Variants in TSC1 observed in about 807,000 individuals in gnomAD.
TSC1 encodes the protein TSC complex subunit 1, also known as hamartin.
Under a neutral mutation model 124.3 loss-of-function variants are expected in TSC1, and 20 were observed. The observed-to-expected ratio is 0.16, with a 90% CI of 0.11 to 0.23. TSC1 has a LOEUF of 0.23. Ranked by LOEUF, TSC1 falls within the 10% of genes least tolerant of loss-of-function variation. The pLI is 1.00. For missense variants in TSC1, 1,124 were observed against 1,448.5 expected, an observed-to-expected ratio of 0.78 and a Z score of 3.64; for synonymous variants, 493 against 539.1, an observed-to-expected ratio of 0.91 and a Z score of 1.19.
chr9:132,901,557 A>AG, intron 19 of TSC1, 32 bp downstream of exon 19: 1 of 1,559,980 alleles, frequency 6.4e-7, no homozygotes, highest in South Asian at 1.1e-5. Flanking sequence ...ATGGTGTTTC[A>AG]GCAGATTCAG....
In TSC1 at chr9:132,902,685, T is replaced by C. The variant is rs1057522203; in HGVS notation, c.2311A>G (p.Met771Val). The C allele has an allele frequency of 2.5e-6, 4 of 1,614,228 alleles. No individual in the cohort carries two copies. Among genetic ancestry groups the C allele is most frequent in the South Asian group, 1.1e-5 (1 of 91,086 alleles). Residue 771 changes from methionine (M) to valine (V), a missense_variant, in exon 18 of 23, where the codon ATG becomes GTG. Met to Val is a conservative substitution (Grantham distance 21). This residue lies in a region of TSC1 where 321 missense variants were observed against 397.4 expected (regional missense o/e 0.81). Transcript: ENST00000298552. This position sits in a 1 kb window ranked among gnomAD's most constrained non-coding sequence, Gnocchi z 5.2. ...YNQLQEQRDTMVTKLHSQIRQ... is the reference protein window; with the variant it reads ...YNQLQEQRDTVVTKLHSQIRQ... ...ATCTGGCTGTGGAGCTTGGTTACCA[T>C]AGTGTCACGCTGCTCCTGGAGCTGA... is the stretch of plus-strand genomic sequence containing the variant.
chr9:132,934,902 C>A (rs2132388403), intron 2 of TSC1, 131 bp downstream of exon 2: 1 of 396,894 alleles, frequency 2.5e-6, no homozygotes, highest in Non-Finnish European at 4.4e-6. Flanking sequence ...GTGACTAATC[C>A]CTTCATGCCA....
At position 132,904,429 on chromosome 9, in the gene TSC1, C is replaced by T. The variant is rs768189353; in HGVS notation, c.2023G>A (p.Asp675Asn). Reference protein sequence around the residue: ...NKLPLPSKSVDWTHFGGSPPS... With the variant: ...NKLPLPSKSVNWTHFGGSPPS... ...ACTTTACCTCCAAAGTGGGTCCAGT[C>T]GACAGACTTGCTGGGTAAAGGCAAC... The change falls in exon 16 of 23, where the codon GAC becomes AAC. Residue 675 changes from aspartate to asparagine, a missense_variant. By Grantham distance (23) the Asp-to-Asn change is conservative. Coordinates refer to ENST00000298552, the MANE Select transcript of TSC1 (RefSeq NM_000368.5). 2 of 1,613,930 alleles carry T rather than the reference C, an allele frequency of 1.2e-6. No individual in the cohort carries two copies. The highest frequency in any genetic ancestry group is 1.7e-5 in the Admixed American group (1 of 60,010).
upstream of TSC1, chr9:132,944,779 G>A (rs1588395918): frequency 1.3e-5 from 5 of 396,022 alleles, no homozygotes; most frequent in East Asian, 1.8e-4. Context: ...TGACGATGTG[G>A]GTTGGACGAG....
Position 132,923,333 on chromosome 9 carries a change from TGAG to T in TSC1, c.508+12_508+14del, listed in dbSNP as rs776808135. On this transcript the variant is annotated intron_variant, in intron 6 of 22. Transcript: ENST00000298552. The surrounding 1 kb of genome is among the most constrained non-coding windows in gnomAD (Gnocchi z 4.2). ...CACCTCACAGGGCCCAACAGGTATA[TGAG>T]GAGATCTGTACCTGGTTTCTTCAGG... The T allele has an allele frequency of 1.2e-6, 2 of 1,613,974 alleles. No individual in the cohort carries two copies. Among genetic ancestry groups the T allele is most frequent in the Admixed American group, 1.7e-5 (1 of 60,002 alleles).
chr9:132,913,940 C>A (rs1029387142), intron 8 of TSC1, among the ~76,000 whole-genome samples: 1 of 141,602 alleles, frequency 7.1e-6, no homozygotes, highest in Non-Finnish European at 1.5e-5. Context: ...ACTCTGTCAC[C>A]CAGGCTGGAG....
At chr9:132,926,180 G>A (rs754330542) in intron 4 of TSC1, 19 of 218,706 alleles carry the variant, frequency 8.7e-5, no homozygotes, top group Non-Finnish European at 1.7e-4. Context: ...AAAACAAGAC[G>A]GGCCAGGCGC....
intron 1 of TSC1, among the ~76,000 whole-genome samples, chr9:132,936,387 T>A (rs1847460423): frequency 6.6e-6 from 1 of 152,192 alleles, no homozygotes; most frequent in Non-Finnish European, 1.5e-5. Context: ...AAGGTGCTAG[T>A]ATTACAGACG....
intron 20 of TSC1, 155 bp downstream of exon 20, chr9:132,900,560 A>G: frequency 8.0e-7 from 1 of 1,248,952 alleles, no homozygotes; most frequent in Non-Finnish European, 1.2e-6. Context: ...GGTGGCTGGA[A>G]AGTGCTTGTA....
intron 6 of TSC1, among the ~76,000 whole-genome samples, chr9:132,922,888 T>C (rs889457237): frequency 4.6e-5 from 7 of 151,590 alleles, no homozygotes; most frequent in Non-Finnish European, 8.8e-5. Flanking sequence ...AAAAAACCAC[T>C]GCATTTGAAG....
Position 132,911,475 on chromosome 9 carries a change from C to T in TSC1, c.1007G>A (p.Arg336Gln), listed in dbSNP as rs397514808. The T allele has an allele frequency of 2.4e-5, 38 of 1,613,168 alleles. No individual in the cohort carries two copies. Among genetic ancestry groups the T allele is most frequent in the Admixed American group, 3.3e-5 (2 of 59,960 alleles). The change falls in exon 10 of 23, where the codon CGG becomes CAG. Residue 336 changes from arginine (R) to glutamine (Q), a missense_variant. By Grantham distance (43) the Arg-to-Gln change is conservative. This residue lies in a region of TSC1 where 463 missense variants were observed against 606.8 expected (regional missense o/e 0.76). Coordinates refer to ENST00000298552, the MANE Select transcript of TSC1 (RefSeq NM_000368.5). ...LPQTLSSPSTRLITEPPQATL... is the reference protein window; with the variant it reads ...LPQTLSSPSTQLITEPPQATL... ...TACTTGTGGTGGTTCAGTTATCAGC[C>T]GTGTCGATGGGGAACTCAGAGTCTG...
chr9:132,913,960 G>A (rs553630859), intron 8 of TSC1, among the ~76,000 whole-genome samples: 11 of 126,610 alleles, frequency 8.7e-5, no homozygotes, highest in African/African-American at 1.2e-4. Flanking sequence ...GTTCAGTGGC[G>A]CAATCTCGAC....
At chr9:132,901,009 A>G (rs1441715189) in intron 19 of TSC1, among the ~76,000 whole-genome samples, 172 bp from the exon 20 acceptor site, 3 of 152,352 alleles carry the variant, frequency 2.0e-5, no homozygotes, top group African/African-American at 7.2e-5. Context: ...GATGGTACCC[A>G]AGGACAACAA....
chr9:132,924,215 C>A (rs1180359210), intron 5 of TSC1, among the ~76,000 whole-genome samples: 2 of 152,182 alleles, frequency 1.3e-5, no homozygotes, highest in Non-Finnish European at 2.9e-5. Flanking sequence ...ATAATTAAAT[C>A]ATGAATGTTT....
chr9:132,935,325 C>T (rs924332983), intron 1 of TSC1, among the ~76,000 whole-genome samples: 5 of 152,308 alleles, frequency 3.3e-5, no homozygotes, highest in East Asian at 1.9e-4. Flanking sequence ...CTTGTAATCT[C>T]TGTCTTTTGT....
intron 6 of TSC1, among the ~76,000 whole-genome samples, chr9:132,922,674 C>T (rs1846632337): frequency 6.6e-6 from 1 of 152,202 alleles, no homozygotes; most frequent in African/African-American, 2.4e-5. Flanking sequence ...AAAGGTCCTA[C>T]TAAACAAGCA....
chr9:132,938,341 C>T (rs188267896), intron 1 of TSC1, among the ~76,000 whole-genome samples: 3 of 152,278 alleles, frequency 2.0e-5, no homozygotes, highest in African/African-American at 7.2e-5. Flanking sequence ...TCCTTATCTT[C>T]GAAAGCCAAA....
intron 1 of TSC1, among the ~76,000 whole-genome samples, chr9:132,936,863 A>G (rs1490517383): frequency 6.6e-6 from 1 of 152,248 alleles, no homozygotes; most frequent in Non-Finnish European, 1.5e-5. Flanking sequence ...TAAACATGGA[A>G]AAAACTTGAA....
rs1428363395 is a variant in TSC1, at chr9:132,892,893, A to G, written c.*3342T>C. On this transcript the variant is annotated 3_prime_UTR_variant, in exon 23 of 23. Transcript: ENST00000298552. ...ACATCCTCCCCTCAACAACTGCTAG[A>G]GTTTTATCTTTCCCAACAAATATAC... The G allele has an allele frequency of 1.3e-5, 3 of 233,074 alleles. No individual in the cohort carries two copies. Among genetic ancestry groups the G allele is most frequent in the African/African-American group, 6.6e-5 (3 of 45,310 alleles). 14.4% of individuals were successfully genotyped at this position (233,074 alleles called of 1,614,324 possible).
Sources: allele counts gnomAD v4.1 joint callset (sites outside exome capture counted in the v4.1 genomes callset), GRCh38; gene constraint gnomAD v4.1.1; regional missense constraint gnomAD v4.1.1; non-coding constraint Gnocchi (gnomAD v3.1); transcripts MANE v1.5; gene names NCBI Gene and HGNC (gene_info 2026-07-23, HGNC 2026-07-21).